The following DLG2 variants were observed in gnomAD, a reference collection of about 807,000 sequenced individuals.
The protein encoded by DLG2 is discs large MAGUK scaffold protein 2.
A neutral mutation model predicts 132.5 loss-of-function variants in DLG2; 45 were observed. That is an observed-to-expected ratio of 0.34 (90% confidence interval 0.27 to 0.44). DLG2 has a LOEUF of 0.44. DLG2 is among the 20% of genes least tolerant of loss of function. The probability of loss-of-function intolerance (pLI) is 1.00; values close to 1 mark genes in which losing one functional copy is unlikely to be tolerated. For missense variants in DLG2, 1,045 were observed against 1,196.9 expected, an observed-to-expected ratio of 0.87 and a Z score of 1.87; for synonymous variants, 424 against 419.6, an observed-to-expected ratio of 1.01 and a Z score of -0.13.
chr11:84,771,672 C>T (rs111896204), intron 6 of DLG2, among the ~76,000 whole-genome samples: 16 of 152,112 alleles, frequency 1.1e-4, no homozygotes, highest in African/African-American at 3.9e-4. Context: ...GAGAACTATA[C>T]CTGCTATCAC....
At chr11:85,197,426 TG>T (rs1245833713) in intron 4 of DLG2, among the ~76,000 whole-genome samples, 1 of 152,178 alleles carries the variant, frequency 6.6e-6, no homozygotes, top group Non-Finnish European at 1.5e-5. Flanking sequence ...CACTTGACCA[TG>T]GGCTTCTAGA....
chr11:85,108,406 C>G (rs2072158378), intron 6 of DLG2, among the ~76,000 whole-genome samples: 1 of 151,992 alleles, frequency 6.6e-6, no homozygotes, highest in Admixed American at 6.6e-5. Context: ...GAATTTATGA[C>G]AGCCAAGACA....
At chr11:84,247,879 G>T (rs1256640908) in intron 8 of DLG2, among the ~76,000 whole-genome samples, 2 of 152,080 alleles carry the variant, frequency 1.3e-5, no homozygotes, top group Non-Finnish European at 2.9e-5. Context: ...ACATTTACTT[G>T]CAATGAAATT....
chr11:85,028,547 C>T (rs915691119), intron 6 of DLG2, among the ~76,000 whole-genome samples: 1 of 152,142 alleles, frequency 6.6e-6, no homozygotes, highest in African/African-American at 2.4e-5. Context: ...CCCATGCTCA[C>T]GGGCACCCAA....
At chr11:83,656,846 T>C (rs2072607720) in intron 18 of DLG2, among the ~76,000 whole-genome samples, 1 of 152,180 alleles carries the variant, frequency 6.6e-6, no homozygotes, top group Admixed American at 6.5e-5. Flanking sequence ...TGCTTAGCAC[T>C]CACTGATGCA....
chr11:84,203,364 C>T (rs948867988), intron 8 of DLG2, among the ~76,000 whole-genome samples: 1 of 152,034 alleles, frequency 6.6e-6, no homozygotes, highest in Non-Finnish European at 1.5e-5. Flanking sequence ...GGGCAGATCA[C>T]GAGGTTAGGA....
intron 8 of DLG2, among the ~76,000 whole-genome samples, chr11:84,233,835 A>T (rs1051502866): frequency 6.6e-6 from 1 of 152,172 alleles, no homozygotes; most frequent in Non-Finnish European, 1.5e-5. Context: ...GTGCGTCTGC[A>T]TCCTTGTCAT....
chr11:84,370,440 C>G (rs991175338), intron 7 of DLG2, among the ~76,000 whole-genome samples: 11 of 152,060 alleles, frequency 7.2e-5, no homozygotes, highest in Non-Finnish European at 1.6e-4. Flanking sequence ...TGGGGTCAGA[C>G]AGATAGGTAG....
chr11:84,631,195 C>T (rs1056671665), intron 6 of DLG2, among the ~76,000 whole-genome samples: 2 of 151,892 alleles, frequency 1.3e-5, no homozygotes, highest in Admixed American at 6.6e-5. Flanking sequence ...TATGTGTGCT[C>T]CTTATGGAGC....
chr11:84,890,797 G>A (rs931811985), intron 6 of DLG2: 2 of 152,236 alleles, frequency 1.3e-5, no homozygotes, highest in African/African-American at 2.4e-5. Flanking sequence ...AGTAGGTCAG[G>A]GATATGTTTT....
At chr11:84,601,861 T>G (rs2154533778) in intron 6 of DLG2, among the ~76,000 whole-genome samples, 1 of 152,190 alleles carries the variant, frequency 6.6e-6, no homozygotes, top group East Asian at 1.9e-4. Context: ...GAAAATAGAC[T>G]GAATTCGTGG....
chr11:84,155,526 C>T (rs1197466388), intron 9 of DLG2, among the ~76,000 whole-genome samples: 2 of 151,452 alleles, frequency 1.3e-5, no homozygotes, highest in African/African-American at 4.9e-5. Flanking sequence ...AATTCCAAAG[C>T]CTGGTGATCT....
intron 3 of DLG2, among the ~76,000 whole-genome samples, chr11:85,515,927 C>A (rs190894316): frequency 2.0e-4 from 31 of 152,102 alleles, no homozygotes; most frequent in Non-Finnish European, 4.0e-4. Context: ...AGAATCAGTT[C>A]TCCTTGATTA....
chr11:85,046,956 T>G (rs1177908137), intron 6 of DLG2, among the ~76,000 whole-genome samples: 1 of 151,926 alleles, frequency 6.6e-6, no homozygotes, highest in Non-Finnish European at 1.5e-5. Flanking sequence ...TATTTGTTTG[T>G]TTGTTGACAA....
chr11:85,054,179 C>T (rs950207272), intron 6 of DLG2, among the ~76,000 whole-genome samples: 1 of 151,132 alleles, frequency 6.6e-6, no homozygotes, highest in East Asian at 2.0e-4. Flanking sequence ...GCACGAGAAT[C>T]GCTTAAACCC....
chr11:85,312,881 T>G (rs2080405563), intron 3 of DLG2, among the ~76,000 whole-genome samples: 1 of 151,964 alleles, frequency 6.6e-6, no homozygotes, highest in African/African-American at 2.4e-5. Context: ...TGAGAAATGA[T>G]GAATTTTTAA....
At chr11:85,236,848 T>G (rs2075612136) in intron 4 of DLG2, among the ~76,000 whole-genome samples, 1 of 152,090 alleles carries the variant, frequency 6.6e-6, no homozygotes, top group Admixed American at 6.6e-5. Context: ...CTAATCTTTC[T>G]GGTCCAGGTA....
chr11:85,498,077 C>T (rs1362112030), intron 3 of DLG2, among the ~76,000 whole-genome samples: 2 of 152,140 alleles, frequency 1.3e-5, no homozygotes, highest in East Asian at 1.9e-4. Flanking sequence ...TCACACATGA[C>T]ATTATTAACC....
At chr11:84,138,633 A>G (rs750657518) in intron 9 of DLG2, among the ~76,000 whole-genome samples, 1 of 152,196 alleles carries the variant, frequency 6.6e-6, no homozygotes, top group Non-Finnish European at 1.5e-5. Context: ...TCAGGAATAG[A>G]GAAACATACT....
Sources: allele counts gnomAD v4.1 joint callset (sites outside exome capture counted in the v4.1 genomes callset), GRCh38; gene constraint gnomAD v4.1.1; transcripts MANE v1.5; gene names NCBI Gene and HGNC (gene_info 2026-07-23, HGNC 2026-07-21).